The following METTL25 variants were observed in gnomAD, a reference collection of about 807,000 sequenced individuals.
METTL25 encodes the protein probable methyltransferase-like protein 25.
METTL25 carries 64 observed loss-of-function variants against 71.6 expected under a neutral mutation model. The ratio of observed to expected loss-of-function variants is 0.89; its 90% confidence interval spans 0.73 to 1.10. The LOEUF is 1.10. Ranked by LOEUF, METTL25 falls within the 50% of genes least tolerant of loss-of-function variation. The pLI, the probability that METTL25 is intolerant of heterozygous loss-of-function variation, is 0.00. For synonymous variants in METTL25, 287 were observed against 250.3 expected, an observed-to-expected ratio of 1.15 and a Z score of -1.38; for missense variants, 807 against 707.0, an observed-to-expected ratio of 1.14 and a Z score of -1.60.
intron 3 of METTL25, among the ~76,000 whole-genome samples, chr12:82,392,109 TTTA>T (rs978466479): frequency 4.7e-5 from 7 of 150,450 alleles, no homozygotes; most frequent in Admixed American, 3.3e-4. Context: ...ATTTATTTTA[TTTA>T]TTATTATTAT....
chr12:82,403,241 C>A, intron 5 of METTL25, 111 bp downstream of exon 5: 1 of 1,047,182 alleles, frequency 9.5e-7, no homozygotes, highest in Non-Finnish European at 1.4e-6. Context: ...TTTGGATCAG[C>A]ATTTAAGATA....
At chr12:82,384,615 T>A (rs796100718) in intron 1 of METTL25, among the ~76,000 whole-genome samples, 1,631 of 151,354 alleles carry the variant, frequency 0.011, 27 homozygotes, top group African/African-American at 0.035. Flanking sequence ...TACCCTTTTT[T>A]AAAAAAAAAT....
rs185079075 is a variant in METTL25, at chr12:82,459,280, A to G, written c.1572+2460A>G. On this transcript the variant is annotated intron_variant, in intron 9 of 11. Coordinates refer to ENST00000248306, the MANE Select transcript of METTL25 (RefSeq NM_032230.3). ...GCAAGAACAAACTGAAAATGTAAGG[A>G]AAGAGATTGAAATTTTTAAAAAGAG... is the stretch of plus-strand genomic sequence containing the variant. Among the ~76,000 whole-genome samples, 15 of 152,296 alleles carry G rather than the reference A, an allele frequency of 9.8e-5. No individual in the cohort carries two copies. The East Asian group carries it at 2.7e-3, about 27-fold the overall frequency.
At chr12:82,430,114 T>C (rs1196173353) in intron 5 of METTL25, among the ~76,000 whole-genome samples, 1 of 150,464 alleles carries the variant, frequency 6.6e-6, no homozygotes, top group Non-Finnish European at 1.5e-5. Flanking sequence ...TTATCTCGAC[T>C]TTTTTTTAAT....
At chr12:82,405,952 A>G (rs1250595593) in intron 5 of METTL25, among the ~76,000 whole-genome samples, 2 of 152,364 alleles carry the variant, frequency 1.3e-5, no homozygotes, top group African/African-American at 2.4e-5. Context: ...TTTTACACAC[A>G]TAAGAGAGTA....
At chr12:82,399,922 A>G (rs1886432079) in intron 4 of METTL25, among the ~76,000 whole-genome samples, 3 of 148,224 alleles carry the variant, frequency 2.0e-5, no homozygotes, top group African/African-American at 7.5e-5. Flanking sequence ...GAGATTCTAG[A>G]GATCGTTTGG....
chr12:82,479,230 TAATATAA>T lies in METTL25; in HGVS notation c.*209_*215del. Reference sequence around the variant, plus strand: ...TTAATAAAAGAAGAACCTGTCATAATAATATAAAACAGTTGACCTACATTCCTGAGTT... The same window carrying T: ...TTAATAAAAGAAGAACCTGTCATAATAACAGTTGACCTACATTCCTGAGTT... On this transcript the variant is annotated 3_prime_UTR_variant, in exon 12 of 12. Transcript: ENST00000248306. The T allele has an allele frequency of 4.3e-6, 2 of 466,502 alleles. No homozygotes were observed. The highest frequency in any genetic ancestry group is 7.7e-6 in the Non-Finnish European group (2 of 260,616). 28.9% of individuals were successfully genotyped at this position (466,502 alleles called of 1,614,324 possible). A position where few individuals can be genotyped will look rare whatever the true frequency, so the allele number is the denominator to read the frequency against.
rs183119838 is a variant in METTL25 at position 82,433,857 on chromosome 12, T to C, written c.1375-838T>C. Among the ~76,000 whole-genome samples the C allele has an allele frequency of 1.5e-4, 22 of 151,654 alleles. No homozygotes were observed. The East Asian group carries it at 4.1e-3, about 28-fold the overall frequency. ...TATATGCACATCTCTTATACATTTA[T>C]TACTTTTCTGTGTTTGAAATGTTTC... On this transcript the variant is annotated intron_variant, in intron 6 of 11. Coordinates refer to ENST00000248306, the MANE Select transcript of METTL25 (RefSeq NM_032230.3).
rs147357837 is a variant in METTL25 at position 82,444,955 on chromosome 12, C to T, written c.1478+6164C>T. Among the ~76,000 whole-genome samples, 386 of 152,122 alleles carry T rather than the reference C, an allele frequency of 2.5e-3. 2 individuals are homozygous for T. The highest frequency in any genetic ancestry group is 8.8e-3 in the African/African-American group (364 of 41,490). On this transcript the variant is annotated intron_variant, in intron 8 of 11. Coordinates refer to ENST00000248306, the MANE Select transcript of METTL25 (RefSeq NM_032230.3). ...CTGGAACAACACAGAGTTGAATATA[C>T]CAGACTCTATAGAATTCAGCAAAAG... is the stretch of plus-strand genomic sequence containing the variant.
intron 5 of METTL25, among the ~76,000 whole-genome samples, chr12:82,415,285 A>G (rs779368284): frequency 2.0e-4 from 31 of 152,164 alleles, no homozygotes; most frequent in Non-Finnish European, 4.1e-4. Flanking sequence ...ATCACACTTT[A>G]TATACATATA....
At chr12:82,400,733 A>G (rs1419528493) in intron 4 of METTL25, among the ~76,000 whole-genome samples, 1 of 152,128 alleles carries the variant, frequency 6.6e-6, no homozygotes, top group Non-Finnish European at 1.5e-5. Context: ...ATCCTATAGC[A>G]AATCACAATT....
In METTL25 at chr12:82,385,850, A is replaced by G. The variant is rs536417307; in HGVS notation, c.260-953A>G. 7.9e-5 allele frequency among the ~76,000 whole-genome samples: 12 copies of G among 152,288 alleles called. No homozygotes were observed. In the South Asian group the frequency reaches 2.5e-3, roughly 32 times the overall value. ...GCTGAGGAATGTTCCGTCTTGACAC[A>G]TGCTTTGATTACAGAGCTGAGACAA... On this transcript the variant is annotated intron_variant, in intron 1 of 11. Transcript: ENST00000248306.
chr12:82,433,907 T>C (rs1438232848), intron 6 of METTL25, among the ~76,000 whole-genome samples: 1 of 151,374 alleles, frequency 6.6e-6, no homozygotes, highest in African/African-American at 2.4e-5. Flanking sequence ...TTTAATAAAA[T>C]TTAGCTAAAA....
intron 8 of METTL25, among the ~76,000 whole-genome samples, chr12:82,442,104 T>C (rs975268853): frequency 6.6e-6 from 1 of 151,980 alleles, no homozygotes; most frequent in African/African-American, 2.4e-5. Context: ...ACTAGGGTGG[T>C]TGGTATCAAG....
chr12:82,359,292 G>A (rs1374605568), intron 1 of METTL25, among the ~76,000 whole-genome samples: 1 of 1,050 alleles, frequency 9.5e-4, no homozygotes, highest in African/African-American at 1.1e-3. Flanking sequence ...AGGAACATGA[G>A]AAGGCACTAG....
At chr12:82,472,184 A>AT (rs1299637234) in intron 9 of METTL25, among the ~76,000 whole-genome samples, 6 of 152,206 alleles carry the variant, frequency 3.9e-5, no homozygotes, top group Non-Finnish European at 1.5e-5. Context: ...TTGTTCACTT[A>AT]TGTCTATAAA....
At position 82,361,320 on chromosome 12, in the gene METTL25, T is replaced by G. The variant is rs1881846193; in HGVS notation, c.259+2496T>G. ...TAGCTAGACATAAAGTTTATCCAAG[T>G]CCCCACTAGACTCAGGAGCCCAGCT... On this transcript the variant is annotated intron_variant, in intron 1 of 11. Coordinates refer to ENST00000248306, the MANE Select transcript of METTL25 (RefSeq NM_032230.3). Among the ~76,000 whole-genome samples the G allele has an allele frequency of 1.3e-5, 2 of 152,124 alleles. 1 individual carries two copies. Among genetic ancestry groups the G allele is most frequent in the South Asian group, 4.1e-4 (2 of 4,830 alleles).
chr12:82,424,059 T>C (rs574567872), intron 5 of METTL25, among the ~76,000 whole-genome samples: 5 of 152,260 alleles, frequency 3.3e-5, no homozygotes, highest in Admixed American at 3.3e-4. Flanking sequence ...GGATTATAAA[T>C]CATGCTGCTA....
intron 8 of METTL25, chr12:82,439,915 C>G: frequency 1.4e-6 from 1 of 704,984 alleles, no homozygotes; most frequent in Non-Finnish European, 1.7e-6. Context: ...TTTTCTAAAC[C>G]TTTCTTCTCA....
Sources: allele counts gnomAD v4.1 joint callset (sites outside exome capture counted in the v4.1 genomes callset), GRCh38; gene constraint gnomAD v4.1.1; transcripts MANE v1.5; gene names NCBI Gene and HGNC (gene_info 2026-07-23, HGNC 2026-07-21).